Variants in PRR16 observed in about 807,000 individuals in gnomAD.
PRR16 encodes the protein proline rich 16, also known as protein Largen.
PRR16 carries 6 observed loss-of-function variants against 18.2 expected under a neutral mutation model. The observed-to-expected ratio is 0.33, with a 90% CI of 0.18 to 0.65. PRR16 has a LOEUF of 0.65. Ranked by LOEUF, PRR16 falls within the 30% of genes least tolerant of loss-of-function variation. The pLI is 0.74. For synonymous variants in PRR16, 151 were observed against 147.8 expected (o/e 1.02, Z -0.16); for missense variants, 412 against 376.6 (o/e 1.09, Z -0.78).
At chr5:120,697,110 T>C in the PRR16 span, among the ~76,000 whole-genome samples, 2 of 152,222 alleles carry the variant, frequency 1.3e-5, no homozygotes, top group Non-Finnish European at 2.9e-5. Context: ...ATTCTCTACT[T>C]TGAGTGACTT....
At chr5:120,757,035 A>G in the PRR16 span, among the ~76,000 whole-genome samples, 88 of 152,238 alleles carry the variant, frequency 5.8e-4, no homozygotes, top group Non-Finnish European at 1.0e-3. Context: ...TCTTCTGCCT[A>G]TGGACATCCA....
chr5:120,565,962 A>T (rs920024908), intron 1 of PRR16, among the ~76,000 whole-genome samples: 1 of 152,182 alleles, frequency 6.6e-6, no homozygotes, highest in South Asian at 2.1e-4. Flanking sequence ...ATCACAACAT[A>T]TTCTGTGTTA....
intron 1 of PRR16, among the ~76,000 whole-genome samples, chr5:120,578,985 A>C (rs1052640400): frequency 2.6e-5 from 4 of 152,010 alleles, no homozygotes; most frequent in Non-Finnish European, 5.9e-5. Flanking sequence ...TTTGATTTGC[A>C]GTTCTCTGAT....
chr5:120,529,394 TG>T (rs1751472722), intron 1 of PRR16, among the ~76,000 whole-genome samples: 1 of 152,198 alleles, frequency 6.6e-6, no homozygotes, highest in Admixed American at 6.5e-5. Flanking sequence ...ACTCAAATCA[TG>T]TTTTAGACCA....
chr5:120,480,457 A>T (rs138544476), intron 1 of PRR16, among the ~76,000 whole-genome samples: 1 of 152,286 alleles, frequency 6.6e-6, no homozygotes, highest in Non-Finnish European at 1.5e-5. Context: ...GTTACCAAGA[A>T]ACCATCCAAG....
At chr5:120,683,042 C>T (rs2150155017) in intron 1 of PRR16, among the ~76,000 whole-genome samples, 1 of 152,158 alleles carries the variant, frequency 6.6e-6, no homozygotes, top group Non-Finnish European at 1.5e-5. Context: ...TTTGTGCAAA[C>T]ATTCTGTGGC....
chr5:120,605,239 C>T (rs1010420968), intron 1 of PRR16, among the ~76,000 whole-genome samples: 1 of 152,054 alleles, frequency 6.6e-6, no homozygotes, highest in Admixed American at 6.6e-5. Flanking sequence ...GAGGTTTGTT[C>T]ATTTCAAAAA....
intron 1 of PRR16, among the ~76,000 whole-genome samples, chr5:120,525,590 T>C (rs1469184246): frequency 6.6e-6 from 1 of 151,628 alleles, no homozygotes; most frequent in Non-Finnish European, 1.5e-5. Flanking sequence ...GTATTTCCTT[T>C]AGTAGCAACA....
intron 1 of PRR16, among the ~76,000 whole-genome samples, chr5:120,563,808 T>A (rs1420095939): frequency 6.6e-6 from 1 of 152,092 alleles, no homozygotes. Flanking sequence ...TTCCTTCTGC[T>A]TTCTCAAACA....
At chr5:120,737,651 T>C in the PRR16 span, among the ~76,000 whole-genome samples, 1 of 151,772 alleles carries the variant, frequency 6.6e-6, no homozygotes, top group African/African-American at 2.4e-5. Flanking sequence ...TTCTTTTTTT[T>C]TTTGGAAGAG....
rs150117379 is a variant in PRR16, at chr5:120,634,734, C to T, written c.160-51220C>T. ...AAACAAGAACAATCCAAACCCAAAT[C>T]CAGCAGAAGAAAAGAAATAACAAAG... On this transcript the variant is annotated intron_variant, in intron 1 of 1. Transcript: ENST00000407149. Among the ~76,000 whole-genome samples, 301 of 152,012 alleles carry T rather than the reference C, an allele frequency of 2.0e-3. 1 individual carries two copies. Among genetic ancestry groups the T allele is most frequent in the South Asian group, 4.0e-3 (19 of 4,794 alleles).
intron 1 of PRR16, among the ~76,000 whole-genome samples, chr5:120,678,270 A>C (rs1008914999): frequency 6.6e-6 from 1 of 152,090 alleles, no homozygotes; most frequent in Non-Finnish European, 1.5e-5. Flanking sequence ...AGTCTCACCA[A>C]TTCTATATTT....
intron 1 of PRR16, among the ~76,000 whole-genome samples, chr5:120,549,783 CA>C (rs113419805): frequency 1.3e-5 from 2 of 151,968 alleles, no homozygotes; most frequent in African/African-American, 4.8e-5. Flanking sequence ...ATTAATTTAA[CA>C]AATGCTTTTG....
the PRR16 span, among the ~76,000 whole-genome samples, chr5:120,693,756 G>A: frequency 1.5e-5 from 2 of 133,912 alleles, no homozygotes; most frequent in Admixed American, 7.2e-5. Context: ...TACACACATA[G>A]TTAAGGTCAG....
the PRR16 span, among the ~76,000 whole-genome samples, chr5:120,747,514 C>G: frequency 2.0e-5 from 3 of 152,080 alleles, no homozygotes; most frequent in Non-Finnish European, 4.4e-5. Flanking sequence ...CAATGATTCT[C>G]AAGGTGTTGT....
chr5:120,705,612 G>T, the PRR16 span, among the ~76,000 whole-genome samples: 1 of 152,056 alleles, frequency 6.6e-6, no homozygotes, highest in Middle Eastern at 3.4e-3. Context: ...TTATTCTTGT[G>T]TTTTTGTGTT....
At position 120,478,667 on chromosome 5, in the gene PRR16, ACT is replaced by A. The variant is rs1355481615; in HGVS notation, c.159+14025_159+14026del. 5.3e-5 allele frequency among the ~76,000 whole-genome samples: 8 copies of A among 152,106 alleles called. No homozygotes were observed. In the East Asian group the frequency reaches 1.4e-3, roughly 26 times the overall value. On this transcript the variant is annotated intron_variant, in intron 1 of 1. Coordinates refer to ENST00000407149, the MANE Select transcript of PRR16 (RefSeq NM_001300783.2). ...GATTTCATCTTTAGGCAAAAGTCTG[ACT>A]CTGATTTAGGAGTGCCCATTTTTCC...
At chr5:120,584,110 C>G (rs190571648) in intron 1 of PRR16, among the ~76,000 whole-genome samples, 1 of 152,114 alleles carries the variant, frequency 6.6e-6, no homozygotes, top group African/African-American at 2.4e-5. Context: ...AGGGAAGCCA[C>G]TTGAAAAGAA....
chr5:120,604,186 C>T (rs767853736), intron 1 of PRR16, among the ~76,000 whole-genome samples: 1 of 151,710 alleles, frequency 6.6e-6, no homozygotes, highest in Non-Finnish European at 1.5e-5. Context: ...TTGTGGTTAT[C>T]TAATTCTCTG....
Sources: allele counts gnomAD v4.1 joint callset (sites outside exome capture counted in the v4.1 genomes callset), GRCh38; gene constraint gnomAD v4.1.1; transcripts MANE v1.5; gene names NCBI Gene and HGNC (gene_info 2026-07-23, HGNC 2026-07-21).